ARHGEF10L: variants seen among roughly 807,000 people sequenced by gnomAD.
The protein encoded by ARHGEF10L is rho guanine nucleotide exchange factor 10-like protein.
A neutral mutation model predicts 141.2 loss-of-function variants in ARHGEF10L; 69 were observed. That is an observed-to-expected ratio of 0.49 (90% CI 0.40 to 0.60). ARHGEF10L has a LOEUF of 0.60. ARHGEF10L is among the 20% of genes least tolerant of loss of function. The pLI is 0.00. For synonymous variants in ARHGEF10L, 711 were observed against 718.5 expected (o/e 0.99, Z 0.17); for missense variants, 1,482 against 1,734.3 (o/e 0.85, Z 2.58).
At chr1:17,618,566 G>T (rs968278008) in intron 9 of ARHGEF10L, 38 of 1,309,856 alleles carry the variant, frequency 2.9e-5, no homozygotes, top group Non-Finnish European at 3.2e-5. Flanking sequence ...CACCCTTGGG[G>T]TTGCTGCCGC....
At chr1:17,662,077 T>G (rs2062665882) in intron 25 of ARHGEF10L, among the ~76,000 whole-genome samples, 1 of 152,130 alleles carries the variant, frequency 6.6e-6, no homozygotes, top group South Asian at 2.1e-4. Context: ...TTGTGGCAAA[T>G]GGCATCAAAC....
intron 4 of ARHGEF10L, among the ~76,000 whole-genome samples, chr1:17,597,870 C>A (rs908862769): frequency 1.4e-4 from 21 of 152,208 alleles, no homozygotes; most frequent in Non-Finnish European, 2.6e-4. Flanking sequence ...GTTTCCAAAT[C>A]CCTCCTGAAG....
rs2060351407 is a variant in ARHGEF10L at position 17,625,837 on chromosome 1, G to A, written c.1318-119G>A. ...TCTCAGCTCTTCTTGCAAGCCCAGG[G>A]ATAGGCAGGGTCTTAGGGCCTGGGG... On this transcript the variant is annotated intron_variant, in intron 13 of 28. Coordinates refer to ENST00000361221, the MANE Select transcript of ARHGEF10L (RefSeq NM_018125.4). The surrounding 1 kb of genome is among the most constrained non-coding windows in gnomAD (Gnocchi z 4.5). 1.5e-5 allele frequency: 12 copies of A among 810,688 alleles called. No homozygotes were observed. The highest frequency in any genetic ancestry group is 2.4e-5 in the Non-Finnish European group (12 of 497,658). The allele number at this position is 810,688 out of a possible 1,614,324, so 50.2% of individuals were successfully genotyped here. A position where few individuals can be genotyped will look rare whatever the true frequency, so the allele number is the denominator to read the frequency against.
At chr1:17,547,908 T>A (rs1295923825) in intron 1 of ARHGEF10L, among the ~76,000 whole-genome samples, 1 of 152,152 alleles carries the variant, frequency 6.6e-6, no homozygotes, top group East Asian at 1.9e-4. Context: ...AGAGGCTGTG[T>A]TGGGTTCTGG....
intron 21 of ARHGEF10L, among the ~76,000 whole-genome samples, chr1:17,645,882 C>T (rs2061569646): frequency 6.6e-6 from 1 of 152,236 alleles, no homozygotes; most frequent in African/African-American, 2.4e-5. Context: ...AGTGTGGAAA[C>T]TGTGAGGTGC....
chr1:17,626,786 G>A (rs745510604), intron 14 of ARHGEF10L, among the ~76,000 whole-genome samples: 11 of 152,128 alleles, frequency 7.2e-5, no homozygotes, highest in Non-Finnish European at 1.3e-4. Context: ...CACAGCCTCC[G>A]GCAACCACCA....
chr1:17,552,133 G>A (rs979847167), intron 1 of ARHGEF10L, among the ~76,000 whole-genome samples: 8 of 152,166 alleles, frequency 5.3e-5, no homozygotes, highest in African/African-American at 1.7e-4. Context: ...TTGATTAACA[G>A]GTCACATGAG....
At position 17,695,376 on chromosome 1, in the gene ARHGEF10L, A is replaced by G. The variant is rs1048955056; in HGVS notation, c.3307+96A>G. The G allele has an allele frequency of 3.4e-6, 5 of 1,460,374 alleles. No homozygotes were observed. In the African/African-American group the frequency reaches 4.3e-5, roughly 12 times the overall value. 90.5% of individuals were successfully genotyped at this position (1,460,374 alleles called of 1,614,324 possible). A position where few individuals can be genotyped will look rare whatever the true frequency, so the allele number is the denominator to read the frequency against. On this transcript the variant is annotated intron_variant, in intron 28 of 28. Coordinates refer to ENST00000361221, the MANE Select transcript of ARHGEF10L (RefSeq NM_018125.4). ...GAGGGTGTATTATGCCCTCATTGGTATAGGGATGGGGTTCCAGTCTCCAGC... is the reference window on the plus strand; with the variant it reads ...GAGGGTGTATTATGCCCTCATTGGTGTAGGGATGGGGTTCCAGTCTCCAGC...
chr1:17,676,044 G>A (rs929787502), intron 26 of ARHGEF10L, among the ~76,000 whole-genome samples: 3 of 147,240 alleles, frequency 2.0e-5, no homozygotes, highest in Non-Finnish European at 4.5e-5. Context: ...ATGGATGCAG[G>A]TGTAGGTGCA....
the ARHGEF10L span, among the ~76,000 whole-genome samples, chr1:17,530,845 G>A: frequency 1.7e-4 from 25 of 151,032 alleles, no homozygotes; most frequent in African/African-American, 4.1e-4. Flanking sequence ...TGAAAACCCC[G>A]AATACAAAAA....
intron 26 of ARHGEF10L, among the ~76,000 whole-genome samples, chr1:17,671,827 C>T (rs2063339757): frequency 6.6e-6 from 1 of 152,180 alleles, no homozygotes; most frequent in South Asian, 2.1e-4. Context: ...CTGGCTGGCT[C>T]CCATTGTTAC....
At chr1:17,565,695 G>T (rs76176338) in intron 1 of ARHGEF10L, among the ~76,000 whole-genome samples, 3,140 of 152,020 alleles carry the variant, frequency 0.021, 57 homozygotes, top group East Asian at 0.085. Context: ...GCTAGGCTCC[G>T]GGACACAGGG....
At chr1:17,566,889 C>T (rs923875273) in intron 1 of ARHGEF10L, among the ~76,000 whole-genome samples, 2 of 152,000 alleles carry the variant, frequency 1.3e-5, no homozygotes, top group Non-Finnish European at 2.9e-5. Context: ...AGAGGGATGC[C>T]AAGGGATGCA....
At chr1:17,638,039 C>G (rs774224661) in intron 19 of ARHGEF10L, 36 bp downstream of exon 19, 1 of 1,538,170 alleles carries the variant, frequency 6.5e-7, no homozygotes, top group Non-Finnish European at 8.8e-7. Context: ...GGCCTGAGCT[C>G]CCCAGTGTGG....
chr1:17,587,340 T>G, intron 2 of ARHGEF10L, 120 bp from the exon 3 acceptor site: 2 of 1,025,618 alleles, frequency 2.0e-6, no homozygotes, highest in Non-Finnish European at 2.8e-6. Flanking sequence ...ATGGCTCTCA[T>G]TCCCTGGCTC....
chr1:17,592,240 G>A (rs934967353), intron 4 of ARHGEF10L, among the ~76,000 whole-genome samples: 5 of 152,162 alleles, frequency 3.3e-5, no homozygotes, highest in Non-Finnish European at 7.3e-5. Context: ...ATGGACTCTG[G>A]CCCCCTCTGG....
chr1:17,550,671 C>T (rs2077080557), intron 1 of ARHGEF10L, among the ~76,000 whole-genome samples: 1 of 147,980 alleles, frequency 6.8e-6, no homozygotes, highest in Admixed American at 6.7e-5. Flanking sequence ...AGCCAAAAAA[C>T]CCCAAAGAAG....
At chr1:17,641,347 GA>G (rs1386580102) in intron 21 of ARHGEF10L, among the ~76,000 whole-genome samples, 1 of 152,146 alleles carries the variant, frequency 6.6e-6, no homozygotes, top group Admixed American at 6.5e-5. Context: ...CACATTTATG[GA>G]AGGCCGGGCG....
intron 1 of ARHGEF10L, among the ~76,000 whole-genome samples, chr1:17,569,785 CG>C (rs1242004953): frequency 6.6e-6 from 1 of 152,208 alleles, no homozygotes; most frequent in Non-Finnish European, 1.5e-5. Flanking sequence ...CGGTGGCAGC[CG>C]CGGAGGCTCG....
Sources: allele counts gnomAD v4.1 joint callset (sites outside exome capture counted in the v4.1 genomes callset), GRCh38; gene constraint gnomAD v4.1.1; non-coding constraint Gnocchi (gnomAD v3.1); transcripts MANE v1.5; gene names NCBI Gene and HGNC (gene_info 2026-07-23, HGNC 2026-07-21).